PRH1: variants seen among roughly 807,000 people sequenced by gnomAD.
PRH1 encodes the protein salivary acidic proline-rich phosphoprotein 1/2.
In PRH1, 7 loss-of-function variants were observed where a neutral mutation model predicts 7.9. That is an observed-to-expected ratio of 0.89 (90% CI 0.50 to 1.67). PRH1 has a LOEUF of 1.67. Among genes scored for constraint, PRH1 ranks in the 40% most tolerant of loss-of-function variants. The pLI, the probability that PRH1 is intolerant of heterozygous loss-of-function variation, is 0.00. For missense variants in PRH1, 109 were observed against 223.6 expected (o/e 0.49, Z 3.27); for synonymous variants, 45 against 80.8 (o/e 0.56, Z 2.38).
At chr12:11,139,202 A>AT (rs1186406367) in intron 1 of PRH1, among the ~76,000 whole-genome samples, 3 of 152,098 alleles carry the variant, frequency 2.0e-5, no homozygotes, top group Non-Finnish European at 2.9e-5. Context: ...CTTTTTTAAC[A>AT]TTTTTTTATT....
At chr12:10,911,797 T>C (rs995198550) in intron 2 of PRH1, among the ~76,000 whole-genome samples, 1 of 152,196 alleles carries the variant, frequency 6.6e-6, no homozygotes, top group Non-Finnish European at 1.5e-5. Flanking sequence ...TTAAATGCTA[T>C]AGTATAAAGT....
chr12:11,161,615 G>C (rs1388667016), intron 1 of PRH1, among the ~76,000 whole-genome samples: 1 of 152,112 alleles, frequency 6.6e-6, no homozygotes, highest in Non-Finnish European at 1.5e-5. Context: ...GAATTGACTG[G>C]TTTGCAAATA....
rs1365726467 is a variant in PRH1 at position 11,090,901 on chromosome 12, C to T, written n.124-43713G>A. 3.6e-5 allele frequency among the ~76,000 whole-genome samples: 4 copies of T among 110,138 alleles called. 2 individuals are homozygous for T. Among genetic ancestry groups the T allele is most frequent in the Non-Finnish European group, 8.5e-5 (4 of 47,098 alleles). The allele number at this position is 110,138 out of a possible 152,430, so 72.3% of individuals were successfully genotyped here. On this transcript the variant is annotated intron_variant and non_coding_transcript_variant, in intron 1 of 4. Coordinates refer to the PRH1 transcript ENST00000541977. Reference sequence around the variant, plus strand: ...ACAATAGAAAAGAGCAATATTTTTCCGGGGATAAGCTCTTACTTCTTAATA... The same window carrying T: ...ACAATAGAAAAGAGCAATATTTTTCTGGGGATAAGCTCTTACTTCTTAATA...
At chr12:11,104,221 G>C (rs1945342143) in intron 1 of PRH1, among the ~76,000 whole-genome samples, 1 of 128,524 alleles carries the variant, frequency 7.8e-6, no homozygotes, top group Non-Finnish European at 1.7e-5. Flanking sequence ...AATAGAATTT[G>C]CTAGCAATCC....
chr12:11,032,003 T>C (rs1181510867), intron 1 of PRH1, among the ~76,000 whole-genome samples: 1 of 152,256 alleles, frequency 6.6e-6, no homozygotes, highest in East Asian at 1.9e-4. Flanking sequence ...AACCATGGCA[T>C]GTTAACTGAT....
intron 2 of PRH1, chr12:10,929,469 CAGA>C (rs1203988543): frequency 1.7e-5 from 19 of 1,095,950 alleles, no homozygotes; most frequent in Non-Finnish European, 2.5e-5. Context: ...TGCCAAGGAT[CAGA>C]AGACCTGTTG....
chr12:10,998,072 T>C (rs532554549), intron 1 of PRH1, among the ~76,000 whole-genome samples: 1 of 152,310 alleles, frequency 6.6e-6, no homozygotes, highest in South Asian at 2.1e-4. Flanking sequence ...GCTGCCTTTA[T>C]GGGAAATACT....
intron 2 of PRH1, among the ~76,000 whole-genome samples, chr12:10,924,786 C>T (rs548924644): frequency 9.2e-5 from 14 of 152,156 alleles, no homozygotes; most frequent in Non-Finnish European, 1.8e-4. Flanking sequence ...AGTTTATTTG[C>T]ATAGAGGTGT....
At chr12:10,908,504 A>T in intron 2 of PRH1, 1 of 1,613,952 alleles carries the variant, frequency 6.2e-7, no homozygotes, top group South Asian at 1.1e-5. Context: ...TCGTCTCACA[A>T]AGCATGTAGA....
intron 1 of PRH1, chr12:11,021,996 T>C: frequency 6.3e-7 from 1 of 1,592,066 alleles, no homozygotes. Context: ...GAAAACATAT[T>C]AGGCTCAGAG....
intron 2 of PRH1, chr12:10,930,754 C>T: frequency 6.2e-7 from 1 of 1,601,402 alleles, no homozygotes; most frequent in Non-Finnish European, 8.5e-7. Flanking sequence ...TGATGGGAAC[C>T]AGAATGATGG....
intron 1 of PRH1, among the ~76,000 whole-genome samples, chr12:11,020,363 G>GATTATAT (rs1941544907): frequency 1.1e-5 from 1 of 87,584 alleles, no homozygotes; most frequent in Non-Finnish European, 2.3e-5. Context: ...TATGATAAGC[G>GATTATAT]ATATATATAT....
rs1430637805 is a variant in PRH1 at position 10,986,047 on chromosome 12, G to T, written c.-125-12326C>A. 6.2e-7 allele frequency: 1 copy of T among 1,613,918 alleles called. No individual in the cohort carries two copies. Among genetic ancestry groups the T allele is most frequent in the African/African-American group, 1.3e-5 (1 of 74,852 alleles). On this transcript the variant is annotated intron_variant, in intron 1 of 3. Coordinates refer to the PRH1 transcript ENST00000539853. ...ATTAGGATGAATGAGTCGAATGCAA[G>T]ATATATGTTTCCAACAGCCTTGCTA...
chr12:11,043,019 G>T (rs1942772653), intron 1 of PRH1, among the ~76,000 whole-genome samples: 1 of 152,120 alleles, frequency 6.6e-6, no homozygotes, highest in Admixed American at 6.5e-5. Flanking sequence ...TATCCCTGAT[G>T]AACATTGATG....
At chr12:10,939,103 C>A in intron 2 of PRH1, 1 of 1,613,432 alleles carries the variant, frequency 6.2e-7, no homozygotes, top group South Asian at 1.1e-5. Context: ...TTCCCTTGAC[C>A]CAGTCAATAC....
At chr12:11,065,643 A>G (rs1248817671) in intron 1 of PRH1, among the ~76,000 whole-genome samples, 1 of 142,722 alleles carries the variant, frequency 7.0e-6, no homozygotes, top group Non-Finnish European at 1.6e-5. Flanking sequence ...ATGAACTTTT[A>G]TTCTCTTGCT....
chr12:11,165,042 A>C (rs1947529945), intron 1 of PRH1, among the ~76,000 whole-genome samples: 1 of 152,132 alleles, frequency 6.6e-6, no homozygotes, highest in South Asian at 2.1e-4. Flanking sequence ...CACTTGGTAG[A>C]ATGTTTAGAG....
chr12:10,967,135 A>G (rs1198325425), intron 2 of PRH1, among the ~76,000 whole-genome samples: 8 of 144,690 alleles, frequency 5.5e-5, no homozygotes, highest in East Asian at 2.1e-4. Context: ...AAAAAAAAAA[A>G]GTAGAAAAAA....
intron 1 of PRH1, among the ~76,000 whole-genome samples, chr12:11,161,544 G>A (rs1247787999): frequency 6.6e-6 from 1 of 152,190 alleles, no homozygotes; most frequent in East Asian, 1.9e-4. Flanking sequence ...TCAAAACGGT[G>A]TGCCAGGGTT....
Sources: gnomAD v4.1 joint callset for allele counts (sites outside exome capture counted in the v4.1 genomes callset) on GRCh38, gnomAD v4.1.1 for gene constraint, MANE v1.5 for transcripts, NCBI Gene and HGNC (gene_info 2026-07-23, HGNC 2026-07-21) for gene names.